STARD3: variants seen among roughly 807,000 people sequenced by gnomAD.
The protein encoded by STARD3 is stAR-related lipid transfer protein 3.
Under a neutral mutation model 62.0 loss-of-function variants are expected in STARD3, and 39 were observed. The ratio of observed to expected loss-of-function variants is 0.63; its 90% CI spans 0.49 to 0.82. The LOEUF (loss-of-function observed/expected upper bound fraction) is 0.82. STARD3 is among the 40% of genes least tolerant of loss of function. The pLI, the probability that STARD3 is intolerant of heterozygous loss-of-function variation, is 0.00. For missense variants in STARD3, 543 were observed against 584.5 expected (o/e 0.93, Z 0.73); for synonymous variants, 229 against 242.4 (o/e 0.94, Z 0.51).
intron 1 of STARD3, among the ~76,000 whole-genome samples, chr17:39,640,207 G>T (rs1159985707): frequency 6.6e-6 from 1 of 152,204 alleles, no homozygotes; most frequent in Non-Finnish European, 1.5e-5. Flanking sequence ...CTGGCAGCTT[G>T]TGCCTGTTCC....
rs1187164072 is a variant in STARD3, at chr17:39,663,883, G to A, written c.*975G>A. Among the ~76,000 whole-genome samples the A allele has an allele frequency of 2.6e-5, 4 of 152,006 alleles. No homozygotes were observed. The highest frequency in any genetic ancestry group is 3.9e-4 in the East Asian group (2 of 5,172). ...TGGGATCCAGGCCACCTGGAGCCCC[G>A]GACCTCCCAGACTCCACTCACCCAT... On this transcript the variant is annotated 3_prime_UTR_variant, in exon 15 of 15. Coordinates refer to ENST00000336308, the MANE Select transcript of STARD3 (RefSeq NM_006804.4).
chr17:39,663,343 T>G lies in STARD3; in HGVS notation c.*435T>G. ...GATTATTGAAAGAGTCTGGGACCCT[T>G]GTTGGGGAGTGGGTGGCAGGTGGGG... On this transcript the variant is annotated 3_prime_UTR_variant, in exon 15 of 15. Transcript: ENST00000336308. The G allele has an allele frequency of 6.5e-6, 2 of 309,530 alleles. No homozygotes were observed. Among genetic ancestry groups the G allele is most frequent in the East Asian group, 5.0e-5 (1 of 19,844 alleles). 19.2% of individuals were successfully genotyped at this position (309,530 alleles called of 1,614,324 possible). A position where few individuals can be genotyped will look rare whatever the true frequency, so the allele number is the denominator to read the frequency against.
chr17:39,656,131 A>G (rs535995930), intron 2 of STARD3, among the ~76,000 whole-genome samples: 2 of 152,202 alleles, frequency 1.3e-5, no homozygotes, highest in South Asian at 4.1e-4. Context: ...CTGTGTGCTC[A>G]GTGGGGGAGC....
intron 1 of STARD3, among the ~76,000 whole-genome samples, chr17:39,639,631 C>G (rs946169026): frequency 6.6e-6 from 1 of 152,182 alleles, no homozygotes; most frequent in Admixed American, 6.5e-5. Context: ...CCTTTGCTGA[C>G]GCTGGCAATT....
In STARD3 at chr17:39,658,459, G is replaced by C. The variant is rs1333228396; in HGVS notation, c.484G>C (p.Ala162Pro). Residue 162 changes from alanine to proline, a missense_variant, in exon 6 of 15, where the codon GCC becomes CCC. Transcript: ENST00000336308. ...GCTCCCCATCGTCTCTTTTGTCCTC[G>C]CCTGGTTGGAGACCTGGTTCCTTGA... ...YLLPIVSFVLAWLETWFLDFK... is the reference protein window; with the variant it reads ...YLLPIVSFVLPWLETWFLDFK... 8.1e-6 allele frequency: 13 copies of C among 1,614,146 alleles called. No homozygotes were observed. The highest frequency in any genetic ancestry group is 1.1e-5 in the Non-Finnish European group (13 of 1,180,014).
At position 39,660,478 on chromosome 17, in the gene STARD3, G is replaced by A; in HGVS notation, c.906G>A (p.Leu302=). The change falls in exon 11 of 15, where the codon CTG becomes CTA. Residue 302 remains leucine, a synonymous_variant. Coordinates refer to ENST00000336308, the MANE Select transcript of STARD3 (RefSeq NM_006804.4). The surrounding 1 kb of genome is among the most constrained non-coding windows in gnomAD (Gnocchi z 4.8). ...AGCTCGTGTACCAGGAGGTGATCCTGCAGCCCGAGAGGATGGTGCTGTGGA... is the reference window on the plus strand; with the variant it reads ...AGCTCGTGTACCAGGAGGTGATCCTACAGCCCGAGAGGATGGTGCTGTGGA... ...PAELVYQEVI[L]QPERMVLWNK... is the part of the protein sequence containing the mutation. The A allele has an allele frequency of 6.2e-7, 1 of 1,614,004 alleles. No homozygotes were observed. The highest frequency in any genetic ancestry group is 8.5e-7 in the Non-Finnish European group (1 of 1,180,034).
chr17:39,660,130 C>T lies in STARD3; in HGVS notation c.796-81C>T. The T allele has an allele frequency of 6.8e-7, 1 of 1,468,096 alleles. No homozygotes were observed. Among genetic ancestry groups the T allele is most frequent in the African/African-American group, 1.4e-5 (1 of 71,938 alleles). The allele number at this position is 1,468,096 out of a possible 1,614,324, so 90.9% of individuals were successfully genotyped here. On this transcript the variant is annotated intron_variant, in intron 9 of 14. Transcript: ENST00000336308. This position sits in a 1 kb window ranked among gnomAD's most constrained non-coding sequence, Gnocchi z 4.8. Reference sequence around the variant, plus strand: ...CCACCCTGAGCTGTTAAAAACCTGCCCTGCCTGTCACCCATTTCTGTGCCA... The same window carrying T: ...CCACCCTGAGCTGTTAAAAACCTGCTCTGCCTGTCACCCATTTCTGTGCCA...
rs3794710 is a variant in STARD3 at position 39,656,061 on chromosome 17, A to G, written c.220-947A>G. 2.1e-3 allele frequency among the ~76,000 whole-genome samples: 313 copies of G among 152,012 alleles called. 2 individuals are homozygous for G. The highest frequency in any genetic ancestry group is 9.7e-3 in the East Asian group (50 of 5,146). ...TGGGGGCCTCACCGGCAGCCAGAGG[A>G]GAGGTGGCATCAGATTTCATGGAGC... is the stretch of plus-strand genomic sequence containing the variant. On this transcript the variant is annotated intron_variant, in intron 2 of 14. Transcript: ENST00000336308.
chr17:39,662,386 AG>A lies in STARD3; in HGVS notation c.1233+46del, dbSNP rs752511111. On this transcript the variant is annotated intron_variant, in intron 14 of 14. Transcript: ENST00000336308. Reference sequence around the variant, plus strand: ...CTGCCAGGTGGGTTCTGTGGAGTGGAGGGGACCCTGCTGCTGACTTGGTTGC... The same window carrying A: ...CTGCCAGGTGGGTTCTGTGGAGTGGAGGGACCCTGCTGCTGACTTGGTTGC... 3.8e-6 allele frequency: 6 copies of A among 1,583,008 alleles called. No individual in the cohort carries two copies. In the South Asian group the frequency reaches 5.6e-5, roughly 15 times the overall value.
intron 1 of STARD3, among the ~76,000 whole-genome samples, chr17:39,642,510 G>T (rs2056990501): frequency 6.6e-6 from 1 of 152,180 alleles, no homozygotes; most frequent in Non-Finnish European, 1.5e-5. Context: ...GTAGGGAAGG[G>T]TGTAAATGGC....
At chr17:39,658,660 G>A (rs746192240) in intron 6 of STARD3, 62 bp from the exon 7 acceptor site, 11 of 1,601,908 alleles carry the variant, frequency 6.9e-6, no homozygotes, top group East Asian at 2.2e-5. Flanking sequence ...AGCTTGGGTG[G>A]GGGTACCCCA....
chr17:39,645,162 T>C (rs12937003), intron 1 of STARD3, among the ~76,000 whole-genome samples: 6,412 of 152,198 alleles, frequency 0.042, 319 homozygotes, highest in African/African-American at 0.12. Context: ...GGGGCCGGTC[T>C]CAAGAGGAAG....
chr17:39,656,998 CCT>C lies in STARD3; in HGVS notation c.220-6_220-5del, dbSNP rs765731896. ...CTACCTGCAGAGCTCTTCCTGTCTCCCTCTCACAGACCAACACAGGCATCCGT... is the reference window on the plus strand; with the variant it reads ...CTACCTGCAGAGCTCTTCCTGTCTCCCTCACAGACCAACACAGGCATCCGT... On this transcript the variant is annotated splice_region_variant and splice_polypyrimidine_tract_variant and intron_variant, in intron 2 of 14. Coordinates refer to ENST00000336308, the MANE Select transcript of STARD3 (RefSeq NM_006804.4). 1.7e-5 allele frequency: 27 copies of C among 1,613,976 alleles called. No homozygotes were observed. In the South Asian group the frequency reaches 2.9e-4, roughly 17 times the overall value.
At chr17:39,644,970 C>T (rs973591263) in intron 1 of STARD3, among the ~76,000 whole-genome samples, 1 of 152,136 alleles carries the variant, frequency 6.6e-6, no homozygotes, top group Non-Finnish European at 1.5e-5. Context: ...AGCTTCTGGC[C>T]TGGGGTATGA....
chr17:39,646,901 A>G (rs537599537), intron 1 of STARD3, among the ~76,000 whole-genome samples: 52 of 151,730 alleles, frequency 3.4e-4, no homozygotes, highest in Non-Finnish European at 6.8e-4. Flanking sequence ...CTAACCCAGG[A>G]TGGTAAAACC....
rs189740642 is a variant in STARD3, at chr17:39,646,806, C to G, written c.-51-6675C>G. Among the ~76,000 whole-genome samples, 229 of 152,272 alleles carry G rather than the reference C, an allele frequency of 1.5e-3. 2 individuals carry two copies. Among genetic ancestry groups the G allele is most frequent in the South Asian group, 7.5e-3 (36 of 4,824 alleles). Reference sequence around the variant, plus strand: ...GAAGGCCTGGAAAGCGGTGTGGGGGCGTGTGCCCACCCCTTCCCTTTGCCT... The same window carrying G: ...GAAGGCCTGGAAAGCGGTGTGGGGGGGTGTGCCCACCCCTTCCCTTTGCCT... On this transcript the variant is annotated intron_variant, in intron 1 of 14. Coordinates refer to ENST00000336308, the MANE Select transcript of STARD3 (RefSeq NM_006804.4).
At chr17:39,644,671 A>AC (rs2057008954) in intron 1 of STARD3, among the ~76,000 whole-genome samples, 1 of 88,030 alleles carries the variant, frequency 1.1e-5, no homozygotes, top group South Asian at 5.2e-4. Flanking sequence ...CCCTGTCTCT[A>AC]CAAAAAAAAA....
chr17:39,650,990 G>A (rs562268365), intron 1 of STARD3, among the ~76,000 whole-genome samples: 1 of 152,364 alleles, frequency 6.6e-6, no homozygotes, highest in African/African-American at 2.4e-5. Context: ...CATGAGGGAT[G>A]CACTGAGCAT....
At position 39,648,831 on chromosome 17, in the gene STARD3, G is replaced by A. The variant is rs569787209; in HGVS notation, c.-51-4650G>A. On this transcript the variant is annotated intron_variant, in intron 1 of 14. Transcript: ENST00000336308. ...CTGCGTCTCTCGCTTCGACAGGGAC[G>A]TCTGGGCATGTGAGTGTCAGTGTGG... Among the ~76,000 whole-genome samples, 5 of 152,304 alleles carry A rather than the reference G, an allele frequency of 3.3e-5. 1 individual carries two copies. In the East Asian group the frequency reaches 9.6e-4, roughly 29 times the overall value.
Sources: gnomAD v4.1 joint callset for allele counts (sites outside exome capture counted in the v4.1 genomes callset) on GRCh38, gnomAD v4.1.1 for gene constraint, Gnocchi (gnomAD v3.1) non-coding constraint, MANE v1.5 for transcripts, NCBI Gene and HGNC (gene_info 2026-07-23, HGNC 2026-07-21) for gene names.